Variants in SKI observed in about 807,000 individuals in gnomAD.
The protein encoded by SKI is ski oncogene.
In SKI, 23 loss-of-function variants were observed where a neutral mutation model predicts 59.3. That is an observed-to-expected ratio of 0.39 (90% CI 0.28 to 0.55). The LOEUF (loss-of-function observed/expected upper bound fraction) is 0.55, where lower values mean the gene tolerates loss of function less well. SKI is among the 20% of genes least tolerant of loss of function. The pLI, the probability that SKI is intolerant of heterozygous loss-of-function variation, is 0.67. For missense variants in SKI, 1,017 were observed against 1,038.9 expected (o/e 0.98, Z 0.29); for synonymous variants, 673 against 488.6 (o/e 1.38, Z -4.98).
intron 5 of SKI, 89 bp from the exon 6 acceptor site, chr1:2,305,931 C>G (rs1640561513): frequency 9.8e-7 from 1 of 1,025,238 alleles, no homozygotes; most frequent in African/African-American, 1.6e-5. Context: ...GATAGATGAC[C>G]CCACGGGGTG....
chr1:2,231,565 G>A (rs1488989319), intron 1 of SKI, among the ~76,000 whole-genome samples: 1 of 152,214 alleles, frequency 6.6e-6, no homozygotes, highest in African/African-American at 2.4e-5. Flanking sequence ...ACAGGCTCTG[G>A]TCATCTCAGC....
intron 1 of SKI, among the ~76,000 whole-genome samples, chr1:2,242,931 T>C (rs1464515601): frequency 6.6e-6 from 1 of 152,270 alleles, no homozygotes; most frequent in Non-Finnish European, 1.5e-5. Flanking sequence ...GTGACATGCT[T>C]GTAAGAAGTA....
chr1:2,263,132 C>G (rs1639423285), intron 1 of SKI, among the ~76,000 whole-genome samples: 1 of 152,126 alleles, frequency 6.6e-6, no homozygotes, highest in African/African-American at 2.4e-5. Context: ...AACTCCTGAC[C>G]TCAAGTGATC....
Position 2,304,318 on chromosome 1 carries a change from T to C in SKI, c.1500T>C (p.Ser500=). ...TCACCTCCTCCTTGTCCTCGCTCTCTTCCCCGTCCTTTACCTCATCCAGCT... is the reference window on the plus strand; with the variant it reads ...TCACCTCCTCCTTGTCCTCGCTCTCCTCCCCGTCCTTTACCTCATCCAGCT... ...EEFTSSLSSL[S]SPSFTSSSSA... The change falls in exon 5 of 7, where the codon TCT becomes TCC. Residue 500 remains serine, a synonymous_variant. Coordinates refer to ENST00000378536, the MANE Select transcript of SKI (RefSeq NM_003036.4). 6.4e-7 allele frequency: 1 copy of C among 1,551,662 alleles called. No homozygotes were observed.
intron 1 of SKI, among the ~76,000 whole-genome samples, chr1:2,246,930 C>T (rs1470826451): frequency 6.6e-6 from 1 of 152,158 alleles, no homozygotes; most frequent in Non-Finnish European, 1.5e-5. Context: ...TGTGCAAGAG[C>T]CATGGGCACA....
chr1:2,289,675 C>G (rs1026783385), intron 1 of SKI, among the ~76,000 whole-genome samples: 3 of 151,340 alleles, frequency 2.0e-5, no homozygotes, highest in African/African-American at 7.3e-5. Context: ...AGCGGCTCTC[C>G]CCTCCCCCGA....
chr1:2,250,265 C>G (rs923240459), intron 1 of SKI, among the ~76,000 whole-genome samples: 1 of 152,206 alleles, frequency 6.6e-6, no homozygotes, highest in African/African-American at 2.4e-5. Context: ...GCTCATTGCC[C>G]TGCTCAACAG....
At position 2,310,152 on chromosome 1, in the gene SKI, C is replaced by G. The variant is rs772295142; in HGVS notation, c.*3387C>G. 4 of 151,972 alleles carry G rather than the reference C, an allele frequency of 2.6e-5. No homozygotes were observed. Among genetic ancestry groups the G allele is most frequent in the East Asian group, 1.9e-4 (1 of 5,160 alleles). The allele number at this position is 151,972 out of a possible 1,614,324, so 9.4% of individuals were successfully genotyped here. A position where few individuals can be genotyped will look rare whatever the true frequency, so the allele number is the denominator to read the frequency against. ...GCATATTTATCTATTTCGCTGTGTA[C>G]CTGTTAGTCCTTCCCCGACCCCGAA... is the stretch of plus-strand genomic sequence containing the variant. On this transcript the variant is annotated 3_prime_UTR_variant, in exon 7 of 7. Transcript: ENST00000378536.
chr1:2,254,690 C>T (rs1006411371), intron 1 of SKI, among the ~76,000 whole-genome samples: 8 of 152,146 alleles, frequency 5.3e-5, no homozygotes, highest in Middle Eastern at 3.4e-3. Context: ...TCTCTTTGTT[C>T]CTGAAGTTAT....
intron 1 of SKI, among the ~76,000 whole-genome samples, chr1:2,233,295 TGGGCCGGGGGTCCTGCTCCGAGG>T (rs1051547660): frequency 1.6e-5 from 2 of 124,312 alleles, no homozygotes; most frequent in African/African-American, 6.0e-5. Context: ...GGTCCTGTTC[TGGGCCGGGGGTCCTGCTCCGAGG>T]GGGCCGGGCG....
Position 2,270,404 on chromosome 1 carries a change from C to T in SKI, c.970-32574C>T, listed in dbSNP as rs548339079. Among the ~76,000 whole-genome samples the T allele has an allele frequency of 1.1e-3, 173 of 152,334 alleles. No individual in the cohort carries two copies. Among genetic ancestry groups the T allele is most frequent in the Non-Finnish European group, 2.1e-3 (146 of 68,026 alleles). On this transcript the variant is annotated intron_variant, in intron 1 of 6. Coordinates refer to ENST00000378536, the MANE Select transcript of SKI (RefSeq NM_003036.4). The surrounding 1 kb of genome is among the most constrained non-coding windows in gnomAD (Gnocchi z 4.1). ...CAGCCCTGGTGACCTGAAGCCCCTG[C>T]GTTGGTCCCTCACAGGCCAGGGGGT...
Position 2,303,210 on chromosome 1 carries a change from C to T in SKI, c.1096-75C>T, listed in dbSNP as rs1387987234. The T allele has an allele frequency of 1.3e-6, 2 of 1,598,412 alleles. No homozygotes were observed. Among genetic ancestry groups the T allele is most frequent in the African/African-American group, 1.3e-5 (1 of 74,692 alleles). ...ACCTGCCCGCTACTGAGGGCTGGCACCCGGCGCAGCCTCAGGGACATGAAG... is the reference window on the plus strand; with the variant it reads ...ACCTGCCCGCTACTGAGGGCTGGCATCCGGCGCAGCCTCAGGGACATGAAG... On this transcript the variant is annotated intron_variant, in intron 2 of 6. Transcript: ENST00000378536. The surrounding 1 kb of genome is among the most constrained non-coding windows in gnomAD (Gnocchi z 5.6).
chr1:2,264,324 C>G (rs1178425265), intron 1 of SKI, among the ~76,000 whole-genome samples: 1 of 152,192 alleles, frequency 6.6e-6, no homozygotes, highest in Non-Finnish European at 1.5e-5. Context: ...GGCTGAAGTG[C>G]AGTGGCACGA....
intron 1 of SKI, among the ~76,000 whole-genome samples, chr1:2,302,478 G>A (rs886562925): frequency 6.6e-6 from 1 of 152,130 alleles, no homozygotes; most frequent in Non-Finnish European, 1.5e-5. Context: ...CCCCTGTGCC[G>A]CAGCTGCCCT....
chr1:2,236,167 G>C (rs1638746268), intron 1 of SKI, among the ~76,000 whole-genome samples: 1 of 152,062 alleles, frequency 6.6e-6, no homozygotes. Flanking sequence ...AGGCCTTCTT[G>C]GGCTGCCTCT....
At position 2,303,068 on chromosome 1, in the gene SKI, A is replaced by C. The variant is rs1404618770; in HGVS notation, c.1060A>C (p.Ser354Arg). The C allele has an allele frequency of 6.2e-7, 1 of 1,613,490 alleles. No homozygotes were observed. Among genetic ancestry groups the C allele is most frequent in the Non-Finnish European group, 8.5e-7 (1 of 1,180,030 alleles). Reference protein sequence around the residue: ...PAPSEKDKPSSWLRTLAGSSN... With the variant: ...PAPSEKDKPSRWLRTLAGSSN... The stretch of plus-strand genomic sequence containing the variant: ...GCCTTCCGAAAAGGACAAGCCGTCC[A>C]GCTGGCTGCGGACCTTGGCCGGCTC... The change falls in exon 2 of 7, where the codon AGC becomes CGC. Residue 354 changes from serine to arginine, a missense_variant. Physicochemically the swap from Ser to Arg is moderately radical, Grantham distance 110. Transcript: ENST00000378536. The surrounding 1 kb of genome is among the most constrained non-coding windows in gnomAD (Gnocchi z 5.6).
At chr1:2,239,036 G>C (rs1184214961) in intron 1 of SKI, among the ~76,000 whole-genome samples, 1 of 152,158 alleles carries the variant, frequency 6.6e-6, no homozygotes, top group Non-Finnish European at 1.5e-5. Flanking sequence ...CAGTGCCTTC[G>C]CTCTGCCTCA....
chr1:2,228,933 G>A lies in SKI; in HGVS notation c.167G>A (p.Gly56Asp). 1.4e-6 allele frequency: 2 copies of A among 1,383,986 alleles called. No homozygotes were observed. Among genetic ancestry groups the A allele is most frequent in the African/African-American group, 1.5e-5 (1 of 65,780 alleles). The allele number at this position is 1,383,986 out of a possible 1,614,324, so 85.7% of individuals were successfully genotyped here. A position where few individuals can be genotyped will look rare whatever the true frequency, so the allele number is the denominator to read the frequency against. Residue 56 changes from glycine to aspartate, a missense_variant, in exon 1 of 7, where the codon GGC becomes GAC. By Grantham distance (94) the Gly-to-Asp change is moderately conservative. Transcript: ENST00000378536. ...AAGAAGGAGAGCGCCAAGGAGGCGG[G>A]CGCGGCCGCGGTGCCGGCGCCGGTG... ...AYKKESAKEA[G>D]AAAVPAPVPA...
intron 1 of SKI, among the ~76,000 whole-genome samples, chr1:2,231,528 C>T (rs1638637752): frequency 1.3e-5 from 2 of 152,206 alleles, no homozygotes; most frequent in African/African-American, 4.8e-5. Context: ...GCGCCGGGGT[C>T]CTTGGGCCGC....
Sources: allele counts gnomAD v4.1 joint callset (sites outside exome capture counted in the v4.1 genomes callset), GRCh38; gene constraint gnomAD v4.1.1; non-coding constraint Gnocchi (gnomAD v3.1); transcripts MANE v1.5; gene names NCBI Gene and HGNC (gene_info 2026-07-23, HGNC 2026-07-21).